The following HFM1 variants were observed in gnomAD, a reference collection of about 807,000 sequenced individuals.
The protein encoded by HFM1 is helicase for meiosis 1, also known as probable ATP-dependent DNA helicase HFM1.
HFM1 carries 169 observed loss-of-function variants against 192.1 expected under a neutral mutation model. That is an observed-to-expected ratio of 0.88 (90% CI 0.78 to 1.00). The LOEUF is 1.00. Ranked by LOEUF, HFM1 falls within the 50% of genes least tolerant of loss-of-function variation. The pLI is 0.00. For synonymous variants in HFM1, 525 were observed against 537.8 expected (o/e 0.98, Z 0.33); for missense variants, 1,661 against 1,668.0 (o/e 1.00, Z 0.07).
intron 13 of HFM1, among the ~76,000 whole-genome samples, chr1:91,375,034 T>C (rs1489816167): frequency 2.0e-5 from 3 of 151,970 alleles, no homozygotes; most frequent in Non-Finnish European, 4.4e-5. Context: ...TTAAGTAAGG[T>C]GGAAGTGGCC....
intron 30 of HFM1, among the ~76,000 whole-genome samples, chr1:91,297,809 A>C (rs1647908560): frequency 6.6e-6 from 1 of 152,186 alleles, no homozygotes; most frequent in Non-Finnish European, 1.5e-5. Flanking sequence ...ATCATCAAAG[A>C]CCAAAGGTAG....
At chr1:91,364,698 T>A (rs1351520521) in intron 13 of HFM1, among the ~76,000 whole-genome samples, 1 of 142,386 alleles carries the variant, frequency 7.0e-6, no homozygotes, top group Non-Finnish European at 1.5e-5. Flanking sequence ...AGTGGCACGA[T>A]CTCAGCTTAC....
At chr1:91,303,240 G>C (rs1311557740) in intron 30 of HFM1, among the ~76,000 whole-genome samples, 1 of 152,030 alleles carries the variant, frequency 6.6e-6, no homozygotes, top group African/African-American at 2.4e-5. Flanking sequence ...AGATTTACCT[G>C]TTCTAGACAC....
At chr1:91,400,730 C>T (rs1016868311) in intron 2 of HFM1, among the ~76,000 whole-genome samples, 29 of 152,114 alleles carry the variant, frequency 1.9e-4, no homozygotes, top group Non-Finnish European at 2.9e-5. Context: ...GTGATTCACC[C>T]GCCTCAGCCT....
rs765204069 is a variant in HFM1, at chr1:91,353,059, G to A, written c.1823C>T (p.Pro608Leu). 3.8e-6 allele frequency: 6 copies of A among 1,583,464 alleles called. No individual in the cohort carries two copies. The Admixed American group carries it at 1.0e-4, about 27-fold the overall frequency. Reference sequence around the variant, plus strand: ...AAATATGTTTTACTTACAAAGAACTGGTAAATCTCCAACAGTAAAAGCTCC... The same window carrying A: ...AAATATGTTTTACTTACAAAGAACTAGTAAATCTCCAACAGTAAAAGCTCC... ...VEGAFTVGDL[P>L]VLFTTSTLAM... The change falls in exon 15 of 39, where the codon CCA becomes CTA. Residue 608 changes from proline (P) to leucine (L), a missense_variant. Physicochemically the swap from Pro to Leu is moderately conservative, Grantham distance 98. Coordinates refer to ENST00000370425, the MANE Select transcript of HFM1 (RefSeq NM_001017975.6).
At chr1:91,331,422 C>T (rs998173517) in intron 20 of HFM1, among the ~76,000 whole-genome samples, 2 of 151,872 alleles carry the variant, frequency 1.3e-5, no homozygotes, top group Non-Finnish European at 2.9e-5. Context: ...AGTAAAAGAT[C>T]TTTGTAATTA....
chr1:91,283,313 G>A (rs1196213687), intron 30 of HFM1, among the ~76,000 whole-genome samples: 1 of 151,970 alleles, frequency 6.6e-6, no homozygotes, highest in Non-Finnish European at 1.5e-5. Context: ...GCACCATCAC[G>A]GCTCACTGAA....
upstream of HFM1, among the ~76,000 whole-genome samples, chr1:91,406,977 T>C (rs914554420): frequency 1.3e-5 from 2 of 152,214 alleles, no homozygotes; most frequent in Non-Finnish European, 2.9e-5. Flanking sequence ...TACAGAGCTC[T>C]CTCTGCACCC....
intron 30 of HFM1, among the ~76,000 whole-genome samples, chr1:91,289,182 C>T (rs187673540): frequency 2.4e-4 from 37 of 151,606 alleles, no homozygotes; most frequent in African/African-American, 8.0e-4. Flanking sequence ...ACCTCCCAGA[C>T]GGGGTGGTGG....
At chr1:91,405,995 C>T (rs534893315), upstream of HFM1, among the ~76,000 whole-genome samples, 8 of 152,180 alleles carry the variant, frequency 5.3e-5, no homozygotes, top group Non-Finnish European at 1.2e-4. Context: ...GAAATTCATA[C>T]ATTGAATTCT....
chr1:91,308,088 G>A (rs760225267), intron 30 of HFM1, among the ~76,000 whole-genome samples: 1 of 152,052 alleles, frequency 6.6e-6, no homozygotes, highest in Non-Finnish European at 1.5e-5. Flanking sequence ...CCCTGTATTT[G>A]CCTCTGTTTG....
At chr1:91,390,956 C>A (rs1662908461) in intron 4 of HFM1, among the ~76,000 whole-genome samples, 1 of 152,060 alleles carries the variant, frequency 6.6e-6, no homozygotes, top group Non-Finnish European at 1.5e-5. Context: ...TCCTGTACAC[C>A]AATAACAGAC....
chr1:91,292,046 G>A (rs1227331361), intron 30 of HFM1, among the ~76,000 whole-genome samples: 9 of 152,080 alleles, frequency 5.9e-5, no homozygotes, highest in South Asian at 4.2e-4. Context: ...TTGATGGGAC[G>A]TATCTCAAAA....
In HFM1 at chr1:91,356,244, AT is replaced by A. The variant is rs879462206; in HGVS notation, c.1686-2946del. On this transcript the variant is annotated intron_variant, in intron 13 of 38. Coordinates refer to ENST00000370425, the MANE Select transcript of HFM1 (RefSeq NM_001017975.6). Reference sequence around the variant, plus strand: ...TGCAGCAAAAGTGGTTCTAAGAGGAATTTTTTTTTTTTTTTTGAGACAGAGT... The same window carrying A: ...TGCAGCAAAAGTGGTTCTAAGAGGAATTTTTTTTTTTTTTTGAGACAGAGT... 7.3e-3 allele frequency among the ~76,000 whole-genome samples: 1,035 copies of A among 142,558 alleles called. 5 individuals carry two copies. Among genetic ancestry groups the A allele is most frequent in the East Asian group, 0.027 (131 of 4,942 alleles). 93.5% of individuals were successfully genotyped at this position (142,558 alleles called of 152,430 possible). A position where few individuals can be genotyped will look rare whatever the true frequency, so the allele number is the denominator to read the frequency against.
chr1:91,334,079 G>A (rs1654224491), intron 20 of HFM1, among the ~76,000 whole-genome samples: 1 of 152,156 alleles, frequency 6.6e-6, no homozygotes, highest in African/African-American at 2.4e-5. Flanking sequence ...TATGACGTTG[G>A]GGAAAATCCT....
chr1:91,292,438 A>C (rs1210085041), intron 30 of HFM1, among the ~76,000 whole-genome samples: 1 of 142,490 alleles, frequency 7.0e-6, no homozygotes, highest in Non-Finnish European at 1.5e-5. Flanking sequence ...ATCATGAGTG[A>C]ACTCCCATTC....
At chr1:91,314,122 A>G (rs556614883) in intron 28 of HFM1, 62 bp from the exon 29 acceptor site, 1 of 991,224 alleles carries the variant, frequency 1.0e-6, no homozygotes, top group Non-Finnish European at 1.5e-6. Flanking sequence ...ATTAATCTTG[A>G]AGGGCTGATT....
chr1:91,363,108 T>A (rs1019953138), intron 13 of HFM1, among the ~76,000 whole-genome samples: 4 of 152,102 alleles, frequency 2.6e-5, no homozygotes, highest in African/African-American at 7.2e-5. Context: ...CTTCAAGTCA[T>A]AGGCACGGGC....
rs79949758 is a variant in HFM1, at chr1:91,267,522, T to C, written c.3883+223A>G. On this transcript the variant is annotated intron_variant, in intron 35 of 38. Coordinates refer to ENST00000370425, the MANE Select transcript of HFM1 (RefSeq NM_001017975.6). ...AATAGAATAGAAAGTGCTCATTTGC[T>C]ACATTATCATCATGGAATAACCTTG... Among the ~76,000 whole-genome samples, 209 of 152,234 alleles carry C rather than the reference T, an allele frequency of 1.4e-3. 1 individual carries two copies. Among genetic ancestry groups the C allele is most frequent in the African/African-American group, 4.8e-3 (201 of 41,546 alleles).
Sources: allele counts gnomAD v4.1 joint callset (sites outside exome capture counted in the v4.1 genomes callset), GRCh38; gene constraint gnomAD v4.1.1; transcripts MANE v1.5; gene names NCBI Gene and HGNC (gene_info 2026-07-23, HGNC 2026-07-21).